SHROOM4: variants seen among roughly 807,000 people sequenced by gnomAD.
SHROOM4 encodes protein Shroom4.
In SHROOM4, 17 loss-of-function variants were observed where a neutral mutation model predicts 80.3. That is an observed-to-expected ratio of 0.21 (90% CI 0.14 to 0.32). The LOEUF is 0.32. Among genes scored for constraint, SHROOM4 ranks in the 10% least tolerant of loss-of-function variants. The probability of loss-of-function intolerance (pLI) is 1.00; values close to 1 mark genes in which losing one functional copy is unlikely to be tolerated. For missense variants in SHROOM4, 993 were observed against 1,140.3 expected (o/e 0.87, Z 1.86); for synonymous variants, 400 against 437.5 (o/e 0.91, Z 1.07).
chrX:50,719,216 A>G (rs1475533363), intron 1 of SHROOM4, among the ~76,000 whole-genome samples: 1 of 111,911 alleles, frequency 8.9e-6, no homozygotes, highest in Non-Finnish European at 1.9e-5. Context: ...TCAAAGAGAA[A>G]GGACTTGCCT....
intron 5 of SHROOM4, among the ~76,000 whole-genome samples, chrX:50,625,502 T>A (rs1287950978): frequency 2.7e-5 from 3 of 111,997 alleles, no homozygotes; most frequent in Non-Finnish European, 5.6e-5. Flanking sequence ...GACAGGGAAA[T>A]GAAAACAACC....
intron 5 of SHROOM4, among the ~76,000 whole-genome samples, chrX:50,620,529 A>G (rs1331255082): frequency 3.6e-5 from 4 of 111,633 alleles, no homozygotes; most frequent in African/African-American, 1.3e-4. Flanking sequence ...ATATTTCTAG[A>G]TTGTCCTCTA....
At chrX:50,691,026 T>C (rs1602436825) in intron 2 of SHROOM4, among the ~76,000 whole-genome samples, 1 of 112,775 alleles carries the variant, frequency 8.9e-6, no homozygotes, top group African/African-American at 3.2e-5. Context: ...AAAAATATTA[T>C]CTCAATATTT....
chrX:50,709,281 A>G (rs998521590), intron 1 of SHROOM4, among the ~76,000 whole-genome samples: 4 of 112,322 alleles, frequency 3.6e-5, no homozygotes, highest in African/African-American at 1.3e-4. Flanking sequence ...CAAGAAAGCA[A>G]GCGAAGACTT....
At chrX:50,781,934 C>T (rs782748237) in intron 1 of SHROOM4, among the ~76,000 whole-genome samples, 43 of 111,447 alleles carry the variant, frequency 3.9e-4, no homozygotes, top group Non-Finnish European at 7.2e-4. Context: ...ATGGGCCGAG[C>T]GTAGCGGCTC....
intron 1 of SHROOM4, among the ~76,000 whole-genome samples, chrX:50,778,975 G>A (rs1935568554): frequency 8.9e-6 from 1 of 111,947 alleles, no homozygotes; most frequent in Non-Finnish European, 1.9e-5. Context: ...AGTTAAATGA[G>A]TAGAGAGATG....
chrX:50,775,892 G>A (rs147913264), intron 1 of SHROOM4, among the ~76,000 whole-genome samples: 5 of 112,444 alleles, frequency 4.4e-5, no homozygotes, highest in Admixed American at 1.9e-4. Flanking sequence ...GCACTCAACC[G>A]TAAGCCAAAT....
At chrX:50,579,155 T>C in the SHROOM4 span, among the ~76,000 whole-genome samples, 1 of 112,169 alleles carries the variant, frequency 8.9e-6, no homozygotes, top group Non-Finnish European at 1.9e-5. Flanking sequence ...TATTTGTTAG[T>C]TAAGGGCAAC....
intron 1 of SHROOM4, among the ~76,000 whole-genome samples, chrX:50,697,987 T>C (rs1303841950): frequency 8.9e-6 from 1 of 112,040 alleles, no homozygotes; most frequent in Non-Finnish European, 1.9e-5. Context: ...TGAATGCTAA[T>C]AGATTTTCCC....
chrX:50,603,059 G>C (rs1487200362), intron 6 of SHROOM4, among the ~76,000 whole-genome samples: 1 of 111,719 alleles, frequency 9.0e-6, no homozygotes, highest in African/African-American at 3.3e-5. Context: ...GACTTCTTTC[G>C]AGATAATTTG....
chrX:50,671,183 C>A (rs1932794605), intron 2 of SHROOM4, among the ~76,000 whole-genome samples: 3 of 111,684 alleles, frequency 2.7e-5, no homozygotes, highest in Admixed American at 9.5e-5. Context: ...GTGCTGTCAT[C>A]CAGGTTTGGT....
At position 50,596,587 on chromosome X, in the gene SHROOM4, G is replaced by T; in HGVS notation, c.*108C>A. ...GAGAGACATCCAGGGTAGAGGGCTG[G>T]AACAAACTGCTAATTGCTATCTACT... On this transcript the variant is annotated 3_prime_UTR_variant, in exon 9 of 9. Transcript: ENST00000376020. 1 of 1,066,333 alleles carries T rather than the reference G, an allele frequency of 9.4e-7. No homozygotes were observed. 87.9% of individuals were successfully genotyped at this position (1,066,333 alleles called of 1,213,427 possible). A position where few individuals can be genotyped will look rare whatever the true frequency, so the allele number is the denominator to read the frequency against.
At position 50,635,325 on chromosome X, in the gene SHROOM4, G is replaced by C. The variant is rs782776456; in HGVS notation, c.748C>G (p.Pro250Ala). 1.6e-5 allele frequency: 19 copies of C among 1,200,671 alleles called. No individual in the cohort carries two copies. The African/African-American group carries it at 3.2e-4, about 20-fold the overall frequency. Residue 250 changes from proline (P) to alanine (A), a missense_variant, in exon 4 of 9, where the codon CCC (proline) becomes GCC (alanine). By Grantham distance (27) the Pro-to-Ala change is conservative (BLOSUM62 -1). Coordinates refer to ENST00000376020, the MANE Select transcript of SHROOM4 (RefSeq NM_020717.5). ...SRRTNGGHLTPSSQMSSRPQE... is the reference protein window; with the variant it reads ...SRRTNGGHLTASSQMSSRPQE... ...GGACGGGATGACATCTGAGAGCTGGGGGTCAGGTGGCCCCCATTGGTGCGC... is the reference window on the plus strand; with the variant it reads ...GGACGGGATGACATCTGAGAGCTGGCGGTCAGGTGGCCCCCATTGGTGCGC...
chrX:50,584,513 TG>T (rs781886684), downstream of SHROOM4, among the ~76,000 whole-genome samples: 1 of 111,870 alleles, frequency 8.9e-6, no homozygotes, highest in South Asian at 3.8e-4. Context: ...AAGATCACCC[TG>T]GCTACAGCAT....
intron 1 of SHROOM4, among the ~76,000 whole-genome samples, chrX:50,782,515 G>A (rs1004963144): frequency 3.6e-5 from 4 of 111,474 alleles, no homozygotes; most frequent in Non-Finnish European, 7.5e-5. Context: ...AACCCTCTGA[G>A]TATGTACTGT....
chrX:50,687,997 C>T (rs1399525757), intron 2 of SHROOM4, among the ~76,000 whole-genome samples: 1 of 110,069 alleles, frequency 9.1e-6, no homozygotes, highest in Non-Finnish European at 1.9e-5. Flanking sequence ...CCCCTGTCCT[C>T]ATGGTTCTAG....
At chrX:50,647,481 A>G (rs1186148526) in intron 2 of SHROOM4, among the ~76,000 whole-genome samples, 1 of 111,775 alleles carries the variant, frequency 8.9e-6, no homozygotes, top group Non-Finnish European at 1.9e-5. Flanking sequence ...AGGTTTTGCC[A>G]TGATGCCCAG....
intron 4 of SHROOM4, 81 bp downstream of exon 4, chrX:50,633,097 T>G: frequency 1.1e-6 from 1 of 908,055 alleles, no homozygotes; most frequent in Non-Finnish European, 1.6e-6. Flanking sequence ...ATTATAATTG[T>G]TATATTTTTA....
intron 1 of SHROOM4, among the ~76,000 whole-genome samples, chrX:50,718,324 C>A (rs2147509804): frequency 8.9e-6 from 1 of 111,848 alleles, no homozygotes; most frequent in South Asian, 3.8e-4. Flanking sequence ...TAATCCTAAA[C>A]ATATATAAAA....
Sources: allele counts gnomAD v4.1 joint callset (sites outside exome capture counted in the v4.1 genomes callset), GRCh38; gene constraint gnomAD v4.1.1; transcripts MANE v1.5; gene names NCBI Gene and HGNC (gene_info 2026-07-23, HGNC 2026-07-21).